The following NRG3 variants were observed in gnomAD, a reference collection of about 807,000 sequenced individuals.
NRG3 encodes neuregulin 3.
NRG3 carries 31 observed loss-of-function variants against 66.9 expected under a neutral mutation model. The ratio of observed to expected loss-of-function variants is 0.46; its 90% confidence interval spans 0.35 to 0.63. The LOEUF (loss-of-function observed/expected upper bound fraction) is 0.63, where lower values mean the gene tolerates loss of function less well. NRG3 is among the 20% of genes least tolerant of loss of function. The pLI is 0.00. For synonymous variants in NRG3, 393 were observed against 359.4 expected (o/e 1.09, Z -1.06); for missense variants, 910 against 878.9 (o/e 1.04, Z -0.45).
At chr10:82,491,293 A>AATATATATATATATATACAT (rs1554942718) in intron 2 of NRG3, among the ~76,000 whole-genome samples, 1 of 82,186 alleles carries the variant, frequency 1.2e-5, no homozygotes, top group Non-Finnish European at 2.8e-5. Flanking sequence ...GTTCCCATAA[A>AATATATATATATATATACAT]ATATATATAT....
chr10:82,968,600 G>A (rs1851423878), intron 6 of NRG3, among the ~76,000 whole-genome samples: 1 of 146,398 alleles, frequency 6.8e-6, no homozygotes, highest in Non-Finnish European at 1.5e-5. Context: ...CAGAGACTAT[G>A]AACTAATGGT....
chr10:82,491,066 C>T (rs185664817), intron 2 of NRG3, among the ~76,000 whole-genome samples: 1 of 151,786 alleles, frequency 6.6e-6, no homozygotes, highest in Non-Finnish European at 1.5e-5. Flanking sequence ...CTCTCTTTCT[C>T]TACACCCATC....
chr10:82,790,987 T>C (rs1460448796), intron 3 of NRG3, among the ~76,000 whole-genome samples: 2 of 151,844 alleles, frequency 1.3e-5, no homozygotes, highest in Non-Finnish European at 2.9e-5. Flanking sequence ...TCATATTTTA[T>C]TTAATTATTT....
At chr10:82,155,344 A>G (rs1339516577) in intron 1 of NRG3, among the ~76,000 whole-genome samples, 3 of 151,732 alleles carry the variant, frequency 2.0e-5, no homozygotes, top group African/African-American at 4.8e-5. Context: ...TTGTTCATTT[A>G]CCTTTTAAAA....
chr10:82,377,811 G>T (rs2085349766), intron 2 of NRG3, among the ~76,000 whole-genome samples: 1 of 152,194 alleles, frequency 6.6e-6, no homozygotes, highest in Non-Finnish European at 1.5e-5. Flanking sequence ...GTATAATCCT[G>T]GGAGGCTGGG....
chr10:82,056,863 T>C (rs886613801), intron 1 of NRG3, among the ~76,000 whole-genome samples: 3 of 152,156 alleles, frequency 2.0e-5, no homozygotes, highest in African/African-American at 7.2e-5. Flanking sequence ...AATTATTGTT[T>C]ATTGTGGATG....
intron 2 of NRG3, among the ~76,000 whole-genome samples, chr10:82,737,484 CTTTT>C (rs2058211626): frequency 6.6e-6 from 1 of 152,140 alleles, no homozygotes; most frequent in Admixed American, 6.5e-5. Context: ...TCTTTGAATT[CTTTT>C]GTCAATTTCA....
intron 2 of NRG3, among the ~76,000 whole-genome samples, chr10:82,685,756 TTTATA>T (rs1196657391): frequency 6.6e-6 from 1 of 152,212 alleles, no homozygotes; most frequent in Non-Finnish European, 1.5e-5. Flanking sequence ...TCTGTATATC[TTTATA>T]TTATAAGCTT....
intron 1 of NRG3, among the ~76,000 whole-genome samples, chr10:82,106,095 C>A (rs912703299): frequency 6.6e-6 from 1 of 152,192 alleles, no homozygotes; most frequent in African/African-American, 2.4e-5. Flanking sequence ...TTTAGACCTG[C>A]TGAGTCCAAG....
intron 2 of NRG3, among the ~76,000 whole-genome samples, chr10:82,380,826 A>AGG (rs1248542423): frequency 4.6e-5 from 7 of 152,266 alleles, no homozygotes; most frequent in South Asian, 2.1e-4. Flanking sequence ...CTTAATATTA[A>AGG]CACTCCAGAA....
chr10:81,942,880 T>C (rs1160504039), intron 1 of NRG3, among the ~76,000 whole-genome samples: 1 of 152,212 alleles, frequency 6.6e-6, no homozygotes, highest in Non-Finnish European at 1.5e-5. Context: ...GATTAGTCTT[T>C]TGAGGATTAA....
chr10:82,829,245 G>A (rs1021918058), intron 3 of NRG3, among the ~76,000 whole-genome samples: 3 of 152,134 alleles, frequency 2.0e-5, no homozygotes, highest in Non-Finnish European at 4.4e-5. Flanking sequence ...CAGAAGGAGA[G>A]AGTGGCATCA....
At chr10:82,405,141 G>T (rs1017262798) in intron 2 of NRG3, among the ~76,000 whole-genome samples, 5 of 152,122 alleles carry the variant, frequency 3.3e-5, no homozygotes, top group Non-Finnish European at 5.9e-5. Context: ...AAGTGAAAAA[G>T]ACCTCAGAAA....
intron 1 of NRG3, among the ~76,000 whole-genome samples, chr10:82,148,220 CG>C (rs112879909): frequency 6.6e-6 from 1 of 151,522 alleles, no homozygotes; most frequent in Admixed American, 6.6e-5. Flanking sequence ...TCACTGATTG[CG>C]GGGGGGTGGC....
At position 82,670,731 on chromosome 10, in the gene NRG3, A is replaced by T. The variant is rs139911900; in HGVS notation, c.954-67846A>T. 1.4e-3 allele frequency among the ~76,000 whole-genome samples: 206 copies of T among 152,262 alleles called. 1 individual carries two copies. Among genetic ancestry groups the T allele is most frequent in the African/African-American group, 4.7e-3 (195 of 41,558 alleles). On this transcript the variant is annotated intron_variant, in intron 2 of 8. Coordinates refer to ENST00000372141, the MANE Select transcript of NRG3 (RefSeq NM_001010848.4). ...TTCTTGGCTCTCTTCAAGAAAAAAA[A>T]CAAAACAAAACAAAACAAAAACACA...
intron 1 of NRG3, among the ~76,000 whole-genome samples, chr10:82,252,314 C>G (rs1387724913): frequency 1.3e-5 from 2 of 152,182 alleles, no homozygotes; most frequent in African/African-American, 4.8e-5. Context: ...ATATAAATTT[C>G]ACCTCGTGCC....
intron 4 of NRG3, among the ~76,000 whole-genome samples, chr10:82,889,240 A>G (rs1413145511): frequency 6.6e-6 from 1 of 152,052 alleles, no homozygotes; most frequent in East Asian, 1.9e-4. Context: ...GCCCTGGTGA[A>G]CTCCAATCGG....
intron 4 of NRG3, among the ~76,000 whole-genome samples, chr10:82,921,571 T>C (rs1846425193): frequency 6.6e-6 from 1 of 152,204 alleles, no homozygotes; most frequent in Non-Finnish European, 1.5e-5. Context: ...TTCACAATAA[T>C]TCTGTGAGCC....
intron 2 of NRG3, among the ~76,000 whole-genome samples, chr10:82,730,566 A>T (rs1263928083): frequency 6.6e-6 from 1 of 152,174 alleles, no homozygotes; most frequent in African/African-American, 2.4e-5. Context: ...AAATAATCCC[A>T]TTTTAGATTC....
Sources: gnomAD v4.1 joint callset for allele counts (sites outside exome capture counted in the v4.1 genomes callset) on GRCh38, gnomAD v4.1.1 for gene constraint, MANE v1.5 for transcripts, NCBI Gene and HGNC (gene_info 2026-07-23, HGNC 2026-07-21) for gene names.